Variants in CNTN6 observed in about 807,000 individuals in gnomAD.
The protein encoded by CNTN6 is contactin 6.
Under a neutral mutation model 122.8 loss-of-function variants are expected in CNTN6, and 137 were observed. The ratio of observed to expected loss-of-function variants is 1.12; its 90% CI spans 0.97 to 1.29. The LOEUF (loss-of-function observed/expected upper bound fraction) is 1.29, where lower values mean the gene tolerates loss of function less well. Ranked by LOEUF, CNTN6 falls within the 50% of genes most tolerant of loss-of-function variation. CNTN6 has a pLI of 0.00. For synonymous variants in CNTN6, 570 were observed against 426.0 expected (o/e 1.34, Z -4.16); for missense variants, 1,634 against 1,223.4 (o/e 1.34, Z -5.01).
chr3:1,243,553 T>C (rs2094517998), intron 4 of CNTN6, among the ~76,000 whole-genome samples: 1 of 151,726 alleles, frequency 6.6e-6, no homozygotes, highest in African/African-American at 2.4e-5. Context: ...CCTTTTAGGG[T>C]CTAGGGCTGT....
chr3:1,102,664 CT>C (rs1559315765), intron 1 of CNTN6, among the ~76,000 whole-genome samples: 2 of 149,522 alleles, frequency 1.3e-5, no homozygotes, highest in African/African-American at 4.9e-5. Context: ...GGGGGCGGAG[CT>C]TGCAGTGAGC....
intron 7 of CNTN6, among the ~76,000 whole-genome samples, chr3:1,316,952 A>G (rs115240372): frequency 1.4e-3 from 216 of 152,046 alleles, no homozygotes; most frequent in African/African-American, 5.1e-3. Flanking sequence ...GCTCATTAAA[A>G]TGCATACATA....
chr3:1,319,847 A>AT (rs1553682030), intron 7 of CNTN6, among the ~76,000 whole-genome samples: 1 of 149,688 alleles, frequency 6.7e-6, no homozygotes, highest in Non-Finnish European at 1.5e-5. Context: ...ATAAAATAAA[A>AT]TAAAATAAAA....
At chr3:1,220,029 A>AGAAAGAAAAGAAACAAG (rs1306992407) in intron 2 of CNTN6, among the ~76,000 whole-genome samples, 2 of 150,924 alleles carry the variant, frequency 1.3e-5, no homozygotes, top group South Asian at 2.1e-4. Flanking sequence ...TAAAAAAGAA[A>AGAAAGAAAAGAAACAAG]AAAAATATCA....
intron 1 of CNTN6, among the ~76,000 whole-genome samples, chr3:1,147,329 T>A (rs2092744291): frequency 6.6e-6 from 1 of 152,064 alleles, no homozygotes; most frequent in Non-Finnish European, 1.5e-5. Context: ...TCAACCATAG[T>A]CTGTTACAAT....
At chr3:1,312,614 C>CAA (rs5846106) in intron 7 of CNTN6, among the ~76,000 whole-genome samples, 3 of 137,914 alleles carry the variant, frequency 2.2e-5, no homozygotes. Context: ...GCCTCTTATA[C>CAA]AAAAAAAAAA....
At chr3:1,392,765 T>C (rs1212433141) in intron 20 of CNTN6, among the ~76,000 whole-genome samples, 1 of 142,090 alleles carries the variant, frequency 7.0e-6, no homozygotes, top group African/African-American at 2.6e-5. Flanking sequence ...CAGACACTTC[T>C]CAAAAGAAGA....
At chr3:1,245,299 T>TATATATATATAAC (rs2094561602) in intron 4 of CNTN6, among the ~76,000 whole-genome samples, 2 of 4,872 alleles carry the variant, frequency 4.1e-4, no homozygotes, top group South Asian at 3.8e-3. Flanking sequence ...ATATAACATA[T>TATATATATATAAC]ATATATATAT....
chr3:1,268,474 G>A (rs1002614897), intron 4 of CNTN6, among the ~76,000 whole-genome samples: 1 of 151,560 alleles, frequency 6.6e-6, no homozygotes, highest in Non-Finnish European at 1.5e-5. Context: ...AGGCGCGGTG[G>A]CAGGTGCCTG....
At chr3:1,155,005 G>C (rs2092931655) in intron 2 of CNTN6, among the ~76,000 whole-genome samples, 1 of 152,032 alleles carries the variant, frequency 6.6e-6, no homozygotes, top group Non-Finnish European at 1.5e-5. Context: ...ATCTTTCTAT[G>C]ACTGGCTCTT....
chr3:1,239,060 G>A (rs1029450238), intron 4 of CNTN6, among the ~76,000 whole-genome samples: 1 of 152,018 alleles, frequency 6.6e-6, no homozygotes, highest in Non-Finnish European at 1.5e-5. Flanking sequence ...TAAATTCCTG[G>A]AAATATACAA....
At chr3:1,325,338 C>T (rs1261857959) in intron 8 of CNTN6, among the ~76,000 whole-genome samples, 3 of 151,768 alleles carry the variant, frequency 2.0e-5, no homozygotes, top group African/African-American at 7.3e-5. Flanking sequence ...TGCCAGGAAG[C>T]TCATGTTTGA....
chr3:1,243,901 G>T (rs1196809174), intron 4 of CNTN6, among the ~76,000 whole-genome samples: 1 of 152,036 alleles, frequency 6.6e-6, no homozygotes, highest in Admixed American at 6.6e-5. Flanking sequence ...GCGATGCTTG[G>T]GGTTGGGACC....
chr3:1,262,389 C>G (rs2094860192), intron 4 of CNTN6, among the ~76,000 whole-genome samples: 1 of 152,096 alleles, frequency 6.6e-6, no homozygotes. Flanking sequence ...ACTGGGACAC[C>G]TGTAGATAAA....
Position 1,403,449 on chromosome 3 carries a change from T to C in CNTN6, c.*31T>C. On this transcript the variant is annotated 3_prime_UTR_variant, in exon 23 of 23. Coordinates refer to ENST00000446702, the MANE Select transcript of CNTN6 (RefSeq NM_001289080.2). ...AAAACCATAAATCTTTGAGAGTTTTTTGAAAGCAAATCATTCTGTATATAT... is the reference window on the plus strand; with the variant it reads ...AAAACCATAAATCTTTGAGAGTTTTCTGAAAGCAAATCATTCTGTATATAT... 6.9e-7 allele frequency: 1 copy of C among 1,447,384 alleles called. No homozygotes were observed. Among genetic ancestry groups the C allele is most frequent in the South Asian group, 1.1e-5 (1 of 87,162 alleles). 89.7% of individuals were successfully genotyped at this position (1,447,384 alleles called of 1,614,324 possible).
intron 11 of CNTN6, among the ~76,000 whole-genome samples, chr3:1,345,352 G>A (rs193094501): frequency 6.6e-6 from 1 of 152,048 alleles, no homozygotes; most frequent in African/African-American, 2.4e-5. Flanking sequence ...CTGACCTCAA[G>A]TGATTCACCC....
chr3:1,120,753 T>C lies in CNTN6; in HGVS notation c.-82-27174T>C, dbSNP rs185726330. Among the ~76,000 whole-genome samples, 655 of 152,098 alleles carry C rather than the reference T, an allele frequency of 4.3e-3. 5 individuals are homozygous for C. Among genetic ancestry groups the C allele is most frequent in the Non-Finnish European group, 7.6e-3 (516 of 67,850 alleles). On this transcript the variant is annotated intron_variant, in intron 1 of 22. Coordinates refer to ENST00000446702, the MANE Select transcript of CNTN6 (RefSeq NM_001289080.2). The stretch of plus-strand genomic sequence containing the variant: ...GTTTCCTTCCAGAATTGTATAGTTT[T>C]AGTTTTTATGTTTACTCTGTGATCT...
intron 2 of CNTN6, among the ~76,000 whole-genome samples, chr3:1,153,673 A>C (rs2092898727): frequency 6.6e-6 from 1 of 152,248 alleles, no homozygotes; most frequent in Admixed American, 6.5e-5. Flanking sequence ...AGTATTTATG[A>C]TTGCTTGAAT....
intron 1 of CNTN6, among the ~76,000 whole-genome samples, chr3:1,095,510 C>T (rs767124373): frequency 6.6e-6 from 1 of 151,974 alleles, no homozygotes; most frequent in Non-Finnish European, 1.5e-5. Flanking sequence ...AAAACAGAAA[C>T]ATTGAGTTTA....
Sources: allele counts gnomAD v4.1 joint callset (sites outside exome capture counted in the v4.1 genomes callset), GRCh38; gene constraint gnomAD v4.1.1; transcripts MANE v1.5; gene names NCBI Gene and HGNC (gene_info 2026-07-23, HGNC 2026-07-21).